Variants in ZNF142 observed in about 807,000 individuals in gnomAD.
ZNF142 encodes the protein zinc finger protein 142 (clone pHZ-49).
A neutral mutation model predicts 132.1 loss-of-function variants in ZNF142; 96 were observed. The ratio of observed to expected loss-of-function variants is 0.73; its 90% confidence interval spans 0.62 to 0.86. ZNF142 has a LOEUF of 0.86. Ranked by LOEUF, ZNF142 falls within the 40% of genes least tolerant of loss-of-function variation. The pLI, the probability that ZNF142 is intolerant of heterozygous loss-of-function variation, is 0.00. For synonymous variants in ZNF142, 842 were observed against 890.1 expected (o/e 0.95, Z 0.96); for missense variants, 2,163 against 2,336.2 (o/e 0.93, Z 1.53).
In ZNF142 at chr2:218,643,383, C is replaced by T. The variant is rs201389220; in HGVS notation, c.3733G>A (p.Val1245Met). 19 of 1,614,040 alleles carry T rather than the reference C, an allele frequency of 1.2e-5. No homozygotes were observed. The highest frequency in any genetic ancestry group is 4.0e-5 in the African/African-American group (3 of 74,910). Residue 1245 changes from valine (V) to methionine (M), a missense_variant, in exon 9 of 11, where the codon GTG becomes ATG. Val to Met is a conservative substitution (Grantham distance 21). Transcript: ENST00000411696. ...CSRLSSITSHVAEGCRGGRGG... is the reference protein window; with the variant it reads ...CSRLSSITSHMAEGCRGGRGG... Reference sequence around the variant, plus strand: ...CGTCCCCCCCTGCAGCCTTCAGCCACGTGAGAGGTAATAGAGGAGAGCCGG... The same window carrying T: ...CGTCCCCCCCTGCAGCCTTCAGCCATGTGAGAGGTAATAGAGGAGAGCCGG...
In ZNF142 at chr2:218,636,643, C is replaced by T. The variant is rs1696774613; in HGVS notation, c.*1696G>A. The T allele has an allele frequency of 6.7e-7, 1 of 1,484,202 alleles. No individual in the cohort carries two copies. The allele number at this position is 1,484,202 out of a possible 1,614,324, so 91.9% of individuals were successfully genotyped here. ...ACGGGGAGAAACATCTGGAAGGATG[C>T]TCGAGAGAACAAATGGAGGTGGTGA... On this transcript the variant is annotated 3_prime_UTR_variant, in exon 11 of 11. Transcript: ENST00000411696.
intron 6 of ZNF142, among the ~76,000 whole-genome samples, chr2:218,649,799 C>A (rs1313440778): frequency 6.6e-6 from 1 of 152,150 alleles, no homozygotes; most frequent in Non-Finnish European, 1.5e-5. Context: ...CAGGCAGAAG[C>A]ATCGGCAAGA....
chr2:218,646,202 C>A lies in ZNF142; in HGVS notation c.2020G>T (p.Val674Leu). The A allele has an allele frequency of 6.2e-7, 1 of 1,614,014 alleles. No individual in the cohort carries two copies. The highest frequency in any genetic ancestry group is 8.5e-7 in the Non-Finnish European group (1 of 1,180,028). ...YVTKWKHYLR[V>L]HMRKHAGDLR... ...TCCCCTGCATGTTTTCGCATGTGCA[C>A]ACGGAGGTAGTGCTTCCACTTGGTG... The change falls in exon 8 of 11, where the codon GTG (valine) becomes TTG (leucine). Residue 674 changes from valine to leucine, a missense_variant. Coordinates refer to ENST00000411696, the MANE Select transcript of ZNF142 (RefSeq NM_001379659.1).
intron 9 of ZNF142, among the ~76,000 whole-genome samples, chr2:218,641,392 C>G (rs910418052): frequency 2.0e-5 from 3 of 151,054 alleles, no homozygotes; most frequent in Non-Finnish European, 4.4e-5. Context: ...CTACAGGTGC[C>G]CGCCACCACA....
chr2:218,646,055 A>G, intron 8 of ZNF142, 116 bp downstream of exon 8: 21 of 1,397,872 alleles, frequency 1.5e-5, no homozygotes, highest in Non-Finnish European at 2.1e-5. Context: ...ACCCGGCCTT[A>G]GGAGGAGACT....
Position 218,635,566 on chromosome 2 carries a change from C to T in ZNF142, c.*2773G>A, listed in dbSNP as rs1405302382. On this transcript the variant is annotated 3_prime_UTR_variant, in exon 11 of 11. Coordinates refer to ENST00000411696, the MANE Select transcript of ZNF142 (RefSeq NM_001379659.1). Reference sequence around the variant, plus strand: ...GTTGGCCAGGCTGGTCTCCTGGTTTCAAGTGATCTGCCCACCTCGGCCTCC... The same window carrying T: ...GTTGGCCAGGCTGGTCTCCTGGTTTTAAGTGATCTGCCCACCTCGGCCTCC... 6.6e-6 allele frequency among the ~76,000 whole-genome samples: 1 copy of T among 152,160 alleles called. No homozygotes were observed. The highest frequency in any genetic ancestry group is 1.5e-5 in the Non-Finnish European group (1 of 68,030).
rs899772859 is a variant in ZNF142, at chr2:218,636,124, C to T, written c.*2215G>A. ...GGCAAATTACTTGCTTACTCTGAGC[C>T]TTTTTCCTTACCTGTAAAATGCTGA... On this transcript the variant is annotated 3_prime_UTR_variant, in exon 11 of 11. Transcript: ENST00000411696. 3.6e-6 allele frequency: 5 copies of T among 1,391,218 alleles called. No individual in the cohort carries two copies. The African/African-American group carries it at 7.2e-5, about 20-fold the overall frequency. The allele number at this position is 1,391,218 out of a possible 1,614,324, so 86.2% of individuals were successfully genotyped here. A position where few individuals can be genotyped will look rare whatever the true frequency, so the allele number is the denominator to read the frequency against.
chr2:218,634,335 T>C lies in ZNF142; in HGVS notation c.*4004A>G. The C allele has an allele frequency of 6.4e-7, 1 of 1,571,986 alleles. No homozygotes were observed. Among genetic ancestry groups the C allele is most frequent in the Non-Finnish European group, 8.6e-7 (1 of 1,157,004 alleles). Reference sequence around the variant, plus strand: ...TCAAGAAAATTGCTAGGCTGAGAAATGCTATCAGTGGATATTACCAGCAGG... The same window carrying C: ...TCAAGAAAATTGCTAGGCTGAGAAACGCTATCAGTGGATATTACCAGCAGG... On this transcript the variant is annotated 3_prime_UTR_variant, in exon 11 of 11. Transcript: ENST00000411696. The surrounding 1 kb of genome is among the most constrained non-coding windows in gnomAD (Gnocchi z 4.0).
chr2:218,645,135 C>T, intron 8 of ZNF142, 71 bp from the exon 9 acceptor site: 3 of 1,547,354 alleles, frequency 1.9e-6, no homozygotes, highest in Non-Finnish European at 2.6e-6. Flanking sequence ...TCAGTAAATA[C>T]TTACTGTGGG....
chr2:218,656,767 G>A (rs1938547714), intron 3 of ZNF142, among the ~76,000 whole-genome samples: 1 of 150,932 alleles, frequency 6.6e-6, no homozygotes, highest in Non-Finnish European at 1.5e-5. Context: ...TTGGGTCTCA[G>A]ATTTCTTATC....
chr2:218,642,083 T>G lies in ZNF142; in HGVS notation c.5033A>C (p.Lys1678Thr), dbSNP rs1697246088. 1.9e-5 allele frequency: 31 copies of G among 1,614,186 alleles called. No individual in the cohort carries two copies. The highest frequency in any genetic ancestry group is 2.5e-5 in the Non-Finnish European group (30 of 1,180,036). The change falls in exon 9 of 11, where the codon AAG (lysine) becomes ACG (threonine). Residue 1678 changes from lysine to threonine, a missense_variant. By Grantham distance (78) the Lys-to-Thr change is moderately conservative (BLOSUM62 -1). Around this residue, in one of 7 missense-constraint regions of ZNF142, gnomAD observed 325 missense variants for 367.8 expected, o/e 0.88. Coordinates refer to ENST00000411696, the MANE Select transcript of ZNF142 (RefSeq NM_001379659.1). The surrounding 1 kb of genome is among the most constrained non-coding windows in gnomAD (Gnocchi z 4.6). ...GGGGCAGAGGTGACAGTGGTAAGGC[T>G]TTTCCCCAGTGTGGATGCGGCTGTG... ...TWHSRIHTGE[K>T]PYHCHLCPYA...
At position 218,658,767 on chromosome 2, in the gene ZNF142, G is replaced by A. The variant is rs1938916259; in HGVS notation, c.-101C>T. ...TACATGGCCTCCGGGGGGAGCCAAG[G>A]AGGACGCTGAGCCGTCAAGATTAAG... On this transcript the variant is annotated 5_prime_UTR_variant, in exon 3 of 11. Coordinates refer to ENST00000411696, the MANE Select transcript of ZNF142 (RefSeq NM_001379659.1). The A allele has an allele frequency of 6.6e-6, 1 of 152,130 alleles. No homozygotes were observed. Among genetic ancestry groups the A allele is most frequent in the African/African-American group, 2.4e-5 (1 of 41,428 alleles). 9.4% of individuals were successfully genotyped at this position (152,130 alleles called of 1,614,324 possible).
rs1213013297 is a variant in ZNF142, at chr2:218,656,468, C to G, written c.-34-5G>C. 7.0e-7 allele frequency: 1 copy of G among 1,423,788 alleles called. No individual in the cohort carries two copies. The highest frequency in any genetic ancestry group is 2.6e-5 in the Admixed American group (1 of 38,018). The allele number at this position is 1,423,788 out of a possible 1,614,324, so 88.2% of individuals were successfully genotyped here. On this transcript the variant is annotated splice_polypyrimidine_tract_variant and splice_region_variant and intron_variant, in intron 3 of 10. Coordinates refer to ENST00000411696, the MANE Select transcript of ZNF142 (RefSeq NM_001379659.1). Reference sequence around the variant, plus strand: ...TGTGTTTTGGCTTCTTAAATGCTGACAAGCCAACCAGAAGAAAAACAAAGT... The same window carrying G: ...TGTGTTTTGGCTTCTTAAATGCTGAGAAGCCAACCAGAAGAAAAACAAAGT...
At position 218,644,019 on chromosome 2, in the gene ZNF142, C is replaced by T. The variant is rs762721118; in HGVS notation, c.3097G>A (p.Gly1033Arg). 5.6e-6 allele frequency: 9 copies of T among 1,613,970 alleles called. No homozygotes were observed. In the African/African-American group the frequency reaches 1.1e-4, roughly 19 times the overall value. Residue 1033 changes from glycine (G) to arginine (R), a missense_variant, in exon 9 of 11, where the codon GGG becomes AGG. Coordinates refer to ENST00000411696, the MANE Select transcript of ZNF142 (RefSeq NM_001379659.1). This position sits in a 1 kb window ranked among gnomAD's most constrained non-coding sequence, Gnocchi z 4.6. ...CAGTGTGGGCAGCGGAAGGCTCGCC[C>T]CTCTCCCTGGATCACTACCATCTGC... ...RVQMVVIQGE[G>R]RAFRCPHCPF...
At position 218,642,170 on chromosome 2, in the gene ZNF142, G is replaced by C; in HGVS notation, c.4946C>G (p.Thr1649Ser). The C allele has an allele frequency of 4.3e-6, 7 of 1,614,230 alleles. No homozygotes were observed. Among genetic ancestry groups the C allele is most frequent in the Non-Finnish European group, 5.1e-6 (6 of 1,180,042 alleles). Residue 1649 changes from threonine (T) to serine (S), a missense_variant, in exon 9 of 11, where the codon ACT (threonine) becomes AGT (serine). Transcript: ENST00000411696. This position sits in a 1 kb window ranked among gnomAD's most constrained non-coding sequence, Gnocchi z 4.6. ...LDHHVKGHGG[T>S]RLYKCTDCAY... ...ACAATCGGTGCACTTGTAGAGACGA[G>C]TGCCCCCATGCCCTTTCACATGGTG... is the stretch of plus-strand genomic sequence containing the variant.
intron 7 of ZNF142, 95 bp from the exon 8 acceptor site, chr2:218,646,443 G>T: frequency 7.0e-7 from 1 of 1,421,522 alleles, no homozygotes; most frequent in Non-Finnish European, 9.6e-7. Context: ...CCTGATGCCA[G>T]GGAGGAACAA....
In ZNF142 at chr2:218,636,404, C is replaced by T; in HGVS notation, c.*1935G>A. 6.2e-7 allele frequency: 1 copy of T among 1,613,994 alleles called. No individual in the cohort carries two copies. Among genetic ancestry groups the T allele is most frequent in the Non-Finnish European group, 8.5e-7 (1 of 1,179,880 alleles). On this transcript the variant is annotated 3_prime_UTR_variant, in exon 11 of 11. Transcript: ENST00000411696. ...CTGCATGCAACAAGGTGAGCCAGCC[C>T]CTTTGGCCCCTGGCCAATACCCCAG...
rs764348895 is a variant in ZNF142 at position 218,644,662 on chromosome 2, C to T, written c.2454G>A (p.Met818Ile). 4.3e-6 allele frequency: 7 copies of T among 1,614,212 alleles called. No homozygotes were observed. The South Asian group carries it at 6.6e-5, about 15-fold the overall frequency. ...AATCTGGTGGGGGTGTTGGGCCCTG[C>T]ATGGCCCCTTCTGGCTCCTGGCTTG... Reference protein sequence around the residue: ...RYASQEPEGAMQGPTPPPDSE... With the variant: ...RYASQEPEGAIQGPTPPPDSE... The change falls in exon 9 of 11, where the codon ATG becomes ATA. Residue 818 changes from methionine (M) to isoleucine (I), a missense_variant. Around this residue, in one of 7 missense-constraint regions of ZNF142, gnomAD observed 749 missense variants for 830.3 expected, o/e 0.90. Coordinates refer to ENST00000411696, the MANE Select transcript of ZNF142 (RefSeq NM_001379659.1). This position sits in a 1 kb window ranked among gnomAD's most constrained non-coding sequence, Gnocchi z 4.6.
At position 218,649,328 on chromosome 2, in the gene ZNF142, G is replaced by A; in HGVS notation, c.1180C>T (p.Pro394Ser). The A allele has an allele frequency of 6.2e-7, 1 of 1,614,232 alleles. No homozygotes were observed. The highest frequency in any genetic ancestry group is 8.5e-7 in the Non-Finnish European group (1 of 1,180,038). ...CTGGTGAAGAACTTCTGGCAGTTAG[G>A]GCACTGGAGGCTGGGGTCTGGGAAG... ...LHFPDPSLQC[P>S]NCQKFFTSKS... The change falls in exon 7 of 11, where the codon CCT becomes TCT. Residue 394 changes from proline (P) to serine (S), a missense_variant. This residue lies in a region of ZNF142 where 749 missense variants were observed against 830.3 expected (regional missense o/e 0.90). Coordinates refer to ENST00000411696, the MANE Select transcript of ZNF142 (RefSeq NM_001379659.1).
Sources: gnomAD v4.1 joint callset for allele counts (sites outside exome capture counted in the v4.1 genomes callset) on GRCh38, gnomAD v4.1.1 for gene constraint, gnomAD v4.1.1 regional missense constraint, Gnocchi (gnomAD v3.1) non-coding constraint, MANE v1.5 for transcripts, NCBI Gene and HGNC (gene_info 2026-07-23, HGNC 2026-07-21) for gene names.